TPD52L1: variants seen among roughly 807,000 people sequenced by gnomAD.
TPD52L1 encodes tumor protein D53.
Under a neutral mutation model 28.7 loss-of-function variants are expected in TPD52L1, and 18 were observed. That is an observed-to-expected ratio of 0.63 (90% CI 0.43 to 0.93). The LOEUF (loss-of-function observed/expected upper bound fraction) is 0.93. TPD52L1 is among the 40% of genes least tolerant of loss of function. The probability of loss-of-function intolerance (pLI) is 0.00; values close to 1 mark genes in which losing one functional copy is unlikely to be tolerated. For synonymous variants in TPD52L1, 75 were observed against 88.8 expected, an observed-to-expected ratio of 0.84 and a Z score of 0.88; for missense variants, 203 against 254.8, an observed-to-expected ratio of 0.80 and a Z score of 1.39.
chr6:125,209,802 T>C (rs1172961065), intron 1 of TPD52L1, among the ~76,000 whole-genome samples: 1 of 152,200 alleles, frequency 6.6e-6, no homozygotes, highest in East Asian at 1.9e-4. Context: ...CTAGACCATT[T>C]ATTGCAGACA....
Position 125,172,539 on chromosome 6 carries a change from T to TA in TPD52L1, c.19+18570dup, listed in dbSNP as rs1554202679. ...ATATATATATATATATATATATATA[T>TA]ATATATATATATAATATATATACTA... On this transcript the variant is annotated intron_variant, in intron 1 of 6. Transcript: ENST00000534000. Among the ~76,000 whole-genome samples, 14 of 95,024 alleles carry TA rather than the reference T, an allele frequency of 1.5e-4. 1 individual carries two copies. Among genetic ancestry groups the TA allele is most frequent in the African/African-American group, 5.7e-4 (13 of 22,764 alleles). The allele number at this position is 95,024 out of a possible 152,430, so 62.3% of individuals were successfully genotyped here.
intron 6 of TPD52L1, chr6:125,260,999 AAAG>A (rs1562411351): frequency 1.1e-3 from 50 of 45,670 alleles, no homozygotes; most frequent in Middle Eastern, 0.01. Flanking sequence ...AGAAAGAAAG[AAAG>A]AAAGAAAGAA....
At chr6:125,216,293 A>C (rs959543043) in intron 1 of TPD52L1, among the ~76,000 whole-genome samples, 1 of 152,026 alleles carries the variant, frequency 6.6e-6, no homozygotes, top group African/African-American at 2.4e-5. Context: ...ATGCCATTTG[A>C]CTGAGAAATC....
intron 1 of TPD52L1, chr6:125,219,813 A>G (rs1371165264): frequency 4.6e-6 from 2 of 438,374 alleles, no homozygotes; most frequent in Admixed American, 6.9e-5. Context: ...CAAGGTGGTA[A>G]ATGTAGACCT....
intron 6 of TPD52L1, among the ~76,000 whole-genome samples, chr6:125,257,372 G>T (rs1042675835): frequency 1.3e-5 from 2 of 152,182 alleles, no homozygotes; most frequent in Non-Finnish European, 2.9e-5. Context: ...GGGGTGAATT[G>T]TTCATTAAAG....
intron 1 of TPD52L1, among the ~76,000 whole-genome samples, chr6:125,185,157 A>C (rs1792514891): frequency 6.6e-6 from 1 of 152,188 alleles, no homozygotes; most frequent in Non-Finnish European, 1.5e-5. Context: ...GCAACTATAA[A>C]TGCATTTTTA....
At chr6:125,171,330 T>C (rs1362866236) in intron 1 of TPD52L1, among the ~76,000 whole-genome samples, 1 of 152,178 alleles carries the variant, frequency 6.6e-6, no homozygotes, top group Admixed American at 6.5e-5. Context: ...AGACAGACCC[T>C]AAGGTGACCC....
intron 1 of TPD52L1, among the ~76,000 whole-genome samples, chr6:125,205,689 C>T (rs977161578): frequency 1.3e-5 from 2 of 152,100 alleles, no homozygotes; most frequent in Non-Finnish European, 2.9e-5. Flanking sequence ...CTGTTGGGTA[C>T]CATATACTTT....
At chr6:125,186,588 T>A (rs978398331) in intron 1 of TPD52L1, among the ~76,000 whole-genome samples, 1 of 152,214 alleles carries the variant, frequency 6.6e-6, no homozygotes, top group African/African-American at 2.4e-5. Context: ...AGAGCATCTA[T>A]TGAAGAATAA....
intron 3 of TPD52L1, among the ~76,000 whole-genome samples, chr6:125,246,736 A>G (rs1040907705): frequency 6.6e-6 from 1 of 151,924 alleles, no homozygotes; most frequent in Non-Finnish European, 1.5e-5. Flanking sequence ...TTGCTGTTTG[A>G]CCCAGTGCCA....
chr6:125,185,313 A>T (rs539105573), intron 1 of TPD52L1, among the ~76,000 whole-genome samples: 27 of 152,268 alleles, frequency 1.8e-4, no homozygotes, highest in African/African-American at 6.3e-4. Flanking sequence ...ATATCACAGA[A>T]TTTTATATAG....
chr6:125,164,081 C>G (rs1331112699), intron 1 of TPD52L1, among the ~76,000 whole-genome samples: 1 of 152,114 alleles, frequency 6.6e-6, no homozygotes. Flanking sequence ...GATTTGAAAT[C>G]AGAAAGTTTG....
intron 1 of TPD52L1, among the ~76,000 whole-genome samples, chr6:125,207,019 A>T (rs1313100143): frequency 6.6e-6 from 1 of 152,236 alleles, no homozygotes; most frequent in Admixed American, 6.5e-5. Context: ...ACAAACAAAC[A>T]TCACAGATAT....
chr6:125,163,086 G>T (rs1790627560), intron 1 of TPD52L1, among the ~76,000 whole-genome samples: 1 of 152,166 alleles, frequency 6.6e-6, no homozygotes, highest in Non-Finnish European at 1.5e-5. Flanking sequence ...AACTTGACAT[G>T]GTGTCATCTT....
chr6:125,160,475 T>C (rs1232116267), intron 1 of TPD52L1, among the ~76,000 whole-genome samples: 1 of 152,204 alleles, frequency 6.6e-6, no homozygotes, highest in Non-Finnish European at 1.5e-5. Flanking sequence ...TCCTCCTGCC[T>C]TGGCCTCACA....
At chr6:125,226,497 C>A (rs1437287871) in intron 2 of TPD52L1, among the ~76,000 whole-genome samples, 1 of 152,024 alleles carries the variant, frequency 6.6e-6, no homozygotes, top group Non-Finnish European at 1.5e-5. Flanking sequence ...TAATCCACAG[C>A]CCCTCGTGGT....
At chr6:125,174,528 G>A (rs760581558) in intron 1 of TPD52L1, among the ~76,000 whole-genome samples, 2 of 152,184 alleles carry the variant, frequency 1.3e-5, no homozygotes, top group Non-Finnish European at 2.9e-5. Flanking sequence ...AAAAAAGACC[G>A]AAATTTTGCT....
chr6:125,216,287 C>T (rs1794868923), intron 1 of TPD52L1, among the ~76,000 whole-genome samples: 4 of 151,980 alleles, frequency 2.6e-5, no homozygotes, highest in African/African-American at 9.7e-5. Flanking sequence ...ATGTCCATGC[C>T]ATTTGACTGA....
chr6:125,205,717 A>T (rs2114913943), intron 1 of TPD52L1, among the ~76,000 whole-genome samples: 1 of 152,310 alleles, frequency 6.6e-6, no homozygotes, highest in South Asian at 2.1e-4. Context: ...CTTTAGTATT[A>T]CATTGAATTT....
Sources: gnomAD v4.1 joint callset for allele counts (sites outside exome capture counted in the v4.1 genomes callset) on GRCh38, gnomAD v4.1.1 for gene constraint, MANE v1.5 for transcripts, NCBI Gene and HGNC (gene_info 2026-07-23, HGNC 2026-07-21) for gene names.